The following MRC1 variants were observed in gnomAD, a reference collection of about 807,000 sequenced individuals.
MRC1 encodes mannose receptor C-type 1.
A neutral mutation model predicts 102.9 loss-of-function variants in MRC1; 62 were observed. The observed-to-expected ratio is 0.60, with a 90% CI of 0.49 to 0.74. MRC1 has a LOEUF of 0.74. MRC1 is among the 30% of genes least tolerant of loss of function. MRC1 has a pLI of 0.00. For synonymous variants in MRC1, 457 were observed against 298.4 expected, an observed-to-expected ratio of 1.53 and a Z score of -5.48; for missense variants, 1,237 against 862.8, an observed-to-expected ratio of 1.43 and a Z score of -5.43.
At chr10:17,875,034 C>A in intron 16 of MRC1, 56 bp from the exon 17 acceptor site, 1 of 780,566 alleles carries the variant, frequency 1.3e-6, no homozygotes, top group Non-Finnish European at 2.4e-6. Context: ...CTGTACACAC[C>A]AGATTCTTGA....
At position 17,844,989 on chromosome 10, in the gene MRC1, A is replaced by G. The variant is rs965678887; in HGVS notation, c.917-300A>G. The G allele has an allele frequency of 1.2e-3, 722 of 608,226 alleles. 6 individuals carry two copies. The highest frequency in any genetic ancestry group is 0.012 in the African/African-American group (659 of 55,570). The allele number at this position is 608,226 out of a possible 1,614,324, so 37.7% of individuals were successfully genotyped here. Reference sequence around the variant, plus strand: ...TTTGATAATGTAATCCGTTGTGACAACTGTTCAAGTTTTAAGGTGTAGCTT... The same window carrying G: ...TTTGATAATGTAATCCGTTGTGACAGCTGTTCAAGTTTTAAGGTGTAGCTT... On this transcript the variant is annotated intron_variant, in intron 5 of 29. Transcript: ENST00000569591.
At chr10:17,846,700 C>T (rs1838830748) in intron 6 of MRC1, among the ~76,000 whole-genome samples, 2 of 151,926 alleles carry the variant, frequency 1.3e-5, no homozygotes, top group African/African-American at 2.4e-5. Context: ...TGTTTTTATC[C>T]TAAGTTTTCC....
chr10:17,823,417 A>T lies in MRC1; in HGVS notation c.405A>T (p.Leu135Phe). 1 of 780,884 alleles carries T rather than the reference A, an allele frequency of 1.3e-6. No homozygotes were observed. The highest frequency in any genetic ancestry group is 2.4e-6 in the Non-Finnish European group (1 of 417,962). 48.4% of individuals were successfully genotyped at this position (780,884 alleles called of 1,614,324 possible). The change falls in exon 2 of 30, where the codon TTA becomes TTT. Residue 135 changes from leucine to phenylalanine, a missense_variant. Transcript: ENST00000569591. ...KNIMLYKGSG[L>F]WSRWKIYGTT... ...TTATGCTCTACAAGGGATCGGGTTT[A>T]TGGAGCAGGTGGAAGATCTATGGAA... is the stretch of plus-strand genomic sequence containing the variant.
chr10:17,842,079 C>T (rs1369341583), intron 5 of MRC1, among the ~76,000 whole-genome samples: 1 of 152,164 alleles, frequency 6.6e-6, no homozygotes, highest in Non-Finnish European at 1.5e-5. Context: ...TCTTGTGCCT[C>T]AGCCTCCTAA....
At chr10:17,852,627 C>T (rs1483680366) in intron 7 of MRC1, among the ~76,000 whole-genome samples, 1 of 152,172 alleles carries the variant, frequency 6.6e-6, no homozygotes, top group African/African-American at 2.4e-5. Flanking sequence ...ACAATAAAAG[C>T]AGCTTCATAA....
At chr10:17,865,922 A>T (rs1001027992) in intron 11 of MRC1, among the ~76,000 whole-genome samples, 1 of 152,244 alleles carries the variant, frequency 6.6e-6, no homozygotes, top group Non-Finnish European at 1.5e-5. Context: ...AAGAATCCTG[A>T]TACTTCCAAA....
At chr10:17,860,907 A>T (rs2130660102) in intron 9 of MRC1, among the ~76,000 whole-genome samples, 1 of 152,260 alleles carries the variant, frequency 6.6e-6, no homozygotes, top group African/African-American at 2.4e-5. Flanking sequence ...TGTTTCTTTT[A>T]TTCGTTTATG....
In MRC1 at chr10:17,823,084, A is replaced by T; in HGVS notation, c.72A>T (p.Gln24His). 1 of 780,834 alleles carries T rather than the reference A, an allele frequency of 1.3e-6. No individual in the cohort carries two copies. The highest frequency in any genetic ancestry group is 2.4e-6 in the Non-Finnish European group (1 of 417,966). 48.4% of individuals were successfully genotyped at this position (780,834 alleles called of 1,614,324 possible). A position where few individuals can be genotyped will look rare whatever the true frequency, so the allele number is the denominator to read the frequency against. ...PGAVLLLDTR[Q>H]FLIYNEDHKR... is the part of the protein sequence containing the mutation. The stretch of plus-strand genomic sequence containing the variant: ...TTTCTTTTTAAACAGACACCAGGCA[A>T]TTTTTAATCTATAATGAAGATCACA... The change falls in exon 2 of 30, where the codon CAA becomes CAT. Residue 24 changes from glutamine (Q) to histidine (H), a missense_variant. Physicochemically the swap from Gln to His is conservative, Grantham distance 24. Transcript: ENST00000569591.
intron 3 of MRC1, among the ~76,000 whole-genome samples, chr10:17,830,537 T>C (rs1402787897): frequency 6.6e-6 from 1 of 151,410 alleles, no homozygotes; most frequent in African/African-American, 2.5e-5. Flanking sequence ...CCATTGTCCG[T>C]TGCATTGTTT....
Position 17,828,355 on chromosome 10 carries a change from A to G in MRC1, c.637+640A>G, listed in dbSNP as rs907163018. On this transcript the variant is annotated intron_variant, in intron 3 of 29. Transcript: ENST00000569591. ...CTCCCAAAGTGTTGGGTTTACAGGC[A>G]TGAGCCGGCGCGCCCGACTATGACC... Among the ~76,000 whole-genome samples the G allele has an allele frequency of 2.1e-4, 32 of 151,638 alleles. No individual in the cohort carries two copies. In the East Asian group the frequency reaches 5.8e-3, roughly 27 times the overall value.
At chr10:17,876,860 G>A (rs1261022381) in intron 17 of MRC1, among the ~76,000 whole-genome samples, 4 of 151,982 alleles carry the variant, frequency 2.6e-5, no homozygotes, top group African/African-American at 9.7e-5. Flanking sequence ...AGAGTGCTTT[G>A]CTCAGTATCT....
chr10:17,884,926 C>T (rs1833570728), intron 21 of MRC1, among the ~76,000 whole-genome samples: 1 of 152,170 alleles, frequency 6.6e-6, no homozygotes, highest in African/African-American at 2.4e-5. Flanking sequence ...CTAATCCATA[C>T]GGTGACTTTT....
chr10:17,829,013 T>C lies in MRC1; in HGVS notation c.637+1298T>C, dbSNP rs1007935744. Among the ~76,000 whole-genome samples, 182 of 151,496 alleles carry C rather than the reference T, an allele frequency of 1.2e-3. 1 individual carries two copies. Among genetic ancestry groups the C allele is most frequent in the Non-Finnish European group, 2.0e-3 (137 of 68,008 alleles). On this transcript the variant is annotated intron_variant, in intron 3 of 29. Transcript: ENST00000569591. ...CTGGCTCCACCCTTCCCAAACTTCT[T>C]ACCCCCGACCTCTCACCTGCTACTT...
rs1016343677 is a variant in MRC1 at position 17,827,017 on chromosome 10, A to G, written c.464-525A>G. On this transcript the variant is annotated intron_variant, in intron 2 of 29. Coordinates refer to ENST00000569591, the MANE Select transcript of MRC1 (RefSeq NM_002438.4). The stretch of plus-strand genomic sequence containing the variant: ...ACAGCTTTAAGGTTTTTTTTAATCT[A>G]GAGATTCCAAAGCTCCATGATTCCA... Among the ~76,000 whole-genome samples, 73 of 152,258 alleles carry G rather than the reference A, an allele frequency of 4.8e-4. 2 individuals carry two copies. In the South Asian group the frequency reaches 0.015, roughly 31 times the overall value.
At chr10:17,875,633 T>A (rs568305378) in intron 17 of MRC1, among the ~76,000 whole-genome samples, 23,182 of 152,268 alleles carry the variant, frequency 0.15, 2,357 homozygotes, top group Non-Finnish European at 0.23. Flanking sequence ...CCATGGTATG[T>A]CTATACCACA....
chr10:17,852,821 A>C, intron 7 of MRC1, 146 bp from the exon 8 acceptor site: 1 of 744,418 alleles, frequency 1.3e-6, no homozygotes, highest in East Asian at 2.4e-5. Context: ...TCAGATGAGC[A>C]CTCATGAGGA....
intron 10 of MRC1, among the ~76,000 whole-genome samples, 179 bp downstream of exon 10, chr10:17,861,681 C>T (rs1833186012): frequency 6.6e-6 from 1 of 151,938 alleles, no homozygotes; most frequent in Non-Finnish European, 1.5e-5. Flanking sequence ...ACATTACAAA[C>T]CGTTTTTGCT....
intron 14 of MRC1, among the ~76,000 whole-genome samples, chr10:17,871,400 G>A (rs965967765): frequency 2.6e-5 from 4 of 152,124 alleles, no homozygotes; most frequent in African/African-American, 9.7e-5. Flanking sequence ...ACACATCACC[G>A]TGCTTAGTCC....
At chr10:17,870,599 A>G (rs925886559) in intron 13 of MRC1, among the ~76,000 whole-genome samples, 5 of 152,216 alleles carry the variant, frequency 3.3e-5, no homozygotes, top group Admixed American at 6.5e-5. Context: ...CAAGATGCTT[A>G]ATACGTATTT....
Sources: gnomAD v4.1 joint callset for allele counts (sites outside exome capture counted in the v4.1 genomes callset) on GRCh38, gnomAD v4.1.1 for gene constraint, MANE v1.5 for transcripts, NCBI Gene and HGNC (gene_info 2026-07-23, HGNC 2026-07-21) for gene names.